Variants in GALNT18 observed in about 807,000 individuals in gnomAD.
GALNT18 encodes GalNAc-transferase 18.
Under a neutral mutation model 69.5 loss-of-function variants are expected in GALNT18, and 44 were observed. That is an observed-to-expected ratio of 0.63 (90% CI 0.50 to 0.81). The LOEUF (loss-of-function observed/expected upper bound fraction) is 0.81. GALNT18 is among the 40% of genes least tolerant of loss of function. The probability of loss-of-function intolerance (pLI) is 0.00; values close to 1 mark genes in which losing one functional copy is unlikely to be tolerated. For missense variants in GALNT18, 715 were observed against 810.0 expected (o/e 0.88, Z 1.42); for synonymous variants, 364 against 318.2 (o/e 1.14, Z -1.53).
chr11:11,303,744 G>C (rs1176700749), intron 9 of GALNT18, among the ~76,000 whole-genome samples: 1 of 152,216 alleles, frequency 6.6e-6, no homozygotes, highest in African/African-American at 2.4e-5. Context: ...GGGCTCTGAG[G>C]AACAGCTGCA....
At chr11:11,376,696 T>C (rs1264637165) in intron 5 of GALNT18, among the ~76,000 whole-genome samples, 2 of 152,220 alleles carry the variant, frequency 1.3e-5, no homozygotes, top group African/African-American at 2.4e-5. Flanking sequence ...GAACCTTCTC[T>C]GTGTTCATGA....
intron 1 of GALNT18, among the ~76,000 whole-genome samples, chr11:11,457,950 G>A (rs1008636132): frequency 7.9e-5 from 12 of 152,354 alleles, no homozygotes; most frequent in African/African-American, 2.9e-4. Flanking sequence ...CCCAGTGAGA[G>A]GAGGCAGGAG....
At chr11:11,516,035 C>T (rs554913941) in intron 1 of GALNT18, among the ~76,000 whole-genome samples, 25 of 152,154 alleles carry the variant, frequency 1.6e-4, no homozygotes, top group Non-Finnish European at 2.9e-4. Flanking sequence ...GGGAAGCAGT[C>T]TAGGAGTATA....
intron 1 of GALNT18, among the ~76,000 whole-genome samples, chr11:11,493,134 G>A (rs1239809547): frequency 6.6e-6 from 1 of 151,860 alleles, no homozygotes; most frequent in Non-Finnish European, 1.5e-5. Flanking sequence ...GGTGGTGGGT[G>A]CCTGTAGTCC....
chr11:11,519,213 T>A (rs1857343390), intron 1 of GALNT18, among the ~76,000 whole-genome samples: 1 of 151,888 alleles, frequency 6.6e-6, no homozygotes, highest in African/African-American at 2.4e-5. Context: ...GGCCCCAGCA[T>A]GAAATTTCCA....
At chr11:11,405,392 C>T (rs11021831) in intron 3 of GALNT18, among the ~76,000 whole-genome samples, 27,020 of 152,136 alleles carry the variant, frequency 0.18, 2,867 homozygotes, top group East Asian at 0.44. Flanking sequence ...TTAAAATAAT[C>T]CTTTTCAAAG....
At chr11:11,558,667 A>G (rs567626321) in intron 1 of GALNT18, among the ~76,000 whole-genome samples, 10 of 152,316 alleles carry the variant, frequency 6.6e-5, no homozygotes, top group Admixed American at 2.6e-4. Flanking sequence ...GAGGGCTGGG[A>G]TAAAGCTCCC....
chr11:11,369,225 C>G (rs1231395110), intron 6 of GALNT18, among the ~76,000 whole-genome samples: 3 of 152,192 alleles, frequency 2.0e-5, no homozygotes, highest in African/African-American at 7.2e-5. Context: ...TCTGGATCAC[C>G]TAAAACAGCA....
At chr11:11,532,162 C>T (rs553463674) in intron 1 of GALNT18, among the ~76,000 whole-genome samples, 8 of 152,006 alleles carry the variant, frequency 5.3e-5, no homozygotes, top group African/African-American at 1.7e-4. Flanking sequence ...CAACACTAAG[C>T]CCCTGGAGGA....
chr11:11,443,234 C>T (rs997995659), intron 2 of GALNT18, among the ~76,000 whole-genome samples: 3 of 152,152 alleles, frequency 2.0e-5, no homozygotes, highest in Non-Finnish European at 2.9e-5. Context: ...CTCACTTCAA[C>T]CCTGCGCCAT....
chr11:11,515,567 T>C (rs1857256483), intron 1 of GALNT18, among the ~76,000 whole-genome samples: 1 of 151,976 alleles, frequency 6.6e-6, no homozygotes. Context: ...ACAAAACAAA[T>C]AAACCCACAA....
At position 11,522,336 on chromosome 11, in the gene GALNT18, A is replaced by T. The variant is rs543238901; in HGVS notation, c.236-73400T>A. Among the ~76,000 whole-genome samples the T allele has an allele frequency of 3.3e-5, 5 of 152,216 alleles. No individual in the cohort carries two copies. The South Asian group carries it at 1.0e-3, about 32-fold the overall frequency. On this transcript the variant is annotated intron_variant, in intron 1 of 10. Transcript: ENST00000227756. ...CTGCATCCCATCCCTCTTTCCACAC[A>T]ACTTCCAGTGGCCGACAGGACTTAA...
Position 11,562,152 on chromosome 11 carries a change from T to C in GALNT18, c.235+59207A>G, listed in dbSNP as rs1320078646. 1.3e-5 allele frequency among the ~76,000 whole-genome samples: 2 copies of C among 152,236 alleles called. No individual in the cohort carries two copies. The highest frequency in any genetic ancestry group is 2.9e-5 in the Non-Finnish European group (2 of 68,038). On this transcript the variant is annotated intron_variant, in intron 1 of 10. Transcript: ENST00000227756. This position sits in a 1 kb window ranked among gnomAD's most constrained non-coding sequence, Gnocchi z 4.1. ...GGGTGCCTTCAACAACAGATATTCA[T>C]TCTCTCACAGTTCTGGGAGCTAGAC...
Position 11,587,047 on chromosome 11 carries a change from G to T in GALNT18, c.235+34312C>A, listed in dbSNP as rs77750295. ...ATTTCCTCCCATTTTAGAAAAAGCT[G>T]CTTTCCCAAGTTACTTGAGAGATGC... On this transcript the variant is annotated intron_variant, in intron 1 of 10. Coordinates refer to ENST00000227756, the MANE Select transcript of GALNT18 (RefSeq NM_198516.3). The surrounding 1 kb of genome is among the most constrained non-coding windows in gnomAD (Gnocchi z 4.4). Among the ~76,000 whole-genome samples, 1 of 152,064 alleles carries T rather than the reference G, an allele frequency of 6.6e-6. No homozygotes were observed. Among genetic ancestry groups the T allele is most frequent in the South Asian group, 2.1e-4 (1 of 4,826 alleles).
intron 8 of GALNT18, among the ~76,000 whole-genome samples, chr11:11,330,485 G>A (rs531298223): frequency 2.6e-5 from 4 of 152,276 alleles, no homozygotes; most frequent in East Asian, 1.9e-4. Flanking sequence ...GGCTTGTCCC[G>A]TGGAGAAGGC....
At chr11:11,519,112 G>A (rs555636079) in intron 1 of GALNT18, among the ~76,000 whole-genome samples, 16 of 152,176 alleles carry the variant, frequency 1.1e-4, no homozygotes, top group Non-Finnish European at 2.4e-4. Context: ...GGGCACCTGG[G>A]GATGAGGGAG....
chr11:11,487,093 C>A (rs961259642), intron 1 of GALNT18, among the ~76,000 whole-genome samples: 2 of 152,214 alleles, frequency 1.3e-5, no homozygotes, highest in Non-Finnish European at 2.9e-5. Flanking sequence ...CATCCATAAG[C>A]TACTCAATTA....
intron 1 of GALNT18, among the ~76,000 whole-genome samples, chr11:11,610,626 CATAAA>C (rs1859873486): frequency 6.6e-6 from 1 of 152,132 alleles, no homozygotes; most frequent in South Asian, 2.1e-4. Context: ...CCCAGGTTCT[CATAAA>C]ATAAAATAAA....
chr11:11,370,788 T>A (rs1482236476), intron 6 of GALNT18, among the ~76,000 whole-genome samples: 1 of 152,196 alleles, frequency 6.6e-6, no homozygotes, highest in Non-Finnish European at 1.5e-5. Flanking sequence ...GAAGCAGAGT[T>A]CACAAATCTA....
Sources: allele counts gnomAD v4.1 joint callset (sites outside exome capture counted in the v4.1 genomes callset), GRCh38; gene constraint gnomAD v4.1.1; non-coding constraint Gnocchi (gnomAD v3.1); transcripts MANE v1.5; gene names NCBI Gene and HGNC (gene_info 2026-07-23, HGNC 2026-07-21).